Variants in TANC1 observed in about 807,000 individuals in gnomAD.
TANC1 encodes protein TANC1.
In TANC1, 77 loss-of-function variants were observed where a neutral mutation model predicts 149.7. The observed-to-expected ratio is 0.51, with a 90% confidence interval of 0.43 to 0.62. TANC1 has a LOEUF of 0.62. Ranked by LOEUF, TANC1 falls within the 20% of genes least tolerant of loss-of-function variation. The probability of loss-of-function intolerance (pLI) is 0.00; values close to 1 mark genes in which losing one functional copy is unlikely to be tolerated. For synonymous variants in TANC1, 854 were observed against 925.0 expected (o/e 0.92, Z 1.39); for missense variants, 1,985 against 2,321.8 (o/e 0.85, Z 2.98).
chr2:159,031,181 GTCAGGGCCTGCCTGT>G (rs1559150667), intron 2 of TANC1, among the ~76,000 whole-genome samples: 1 of 152,220 alleles, frequency 6.6e-6, no homozygotes, highest in Non-Finnish European at 1.5e-5. Context: ...TGGATACAAG[GTCAGGGCCTGCCTGT>G]TAAGCAGCAA....
chr2:159,083,869 G>A (rs1003769694), intron 3 of TANC1, among the ~76,000 whole-genome samples: 1 of 151,810 alleles, frequency 6.6e-6, no homozygotes, highest in African/African-American at 2.4e-5. Context: ...GGAAAACTGA[G>A]CAGTGAATTT....
At chr2:159,158,804 A>G (rs1398880429) in intron 7 of TANC1, among the ~76,000 whole-genome samples, 2 of 152,236 alleles carry the variant, frequency 1.3e-5, no homozygotes, top group Non-Finnish European at 2.9e-5. Context: ...TATAAAGACA[A>G]AAATGTCCAT....
At chr2:159,108,331 G>A (rs2047391749) in intron 4 of TANC1, among the ~76,000 whole-genome samples, 1 of 152,088 alleles carries the variant, frequency 6.6e-6, no homozygotes, top group South Asian at 2.1e-4. Flanking sequence ...TCACGCTTTG[G>A]CATTTTTTGC....
chr2:159,200,891 C>T (rs759742621), intron 19 of TANC1, among the ~76,000 whole-genome samples: 1 of 152,186 alleles, frequency 6.6e-6, no homozygotes, highest in African/African-American at 2.4e-5. Flanking sequence ...AGTAACTTGG[C>T]CCCTCCCTTC....
chr2:159,105,264 G>T (rs901545488), intron 4 of TANC1, among the ~76,000 whole-genome samples: 5 of 151,960 alleles, frequency 3.3e-5, no homozygotes, highest in Admixed American at 2.0e-4. Context: ...AGAGTGCTGG[G>T]ATTACAGGCA....
intron 2 of TANC1, among the ~76,000 whole-genome samples, chr2:159,005,422 C>G (rs1017823423): frequency 6.6e-6 from 1 of 152,066 alleles, no homozygotes; most frequent in Non-Finnish European, 1.5e-5. Context: ...GAAACCCCAT[C>G]TCTACAAAAA....
chr2:159,038,406 G>A (rs1451541298), intron 2 of TANC1, among the ~76,000 whole-genome samples: 3 of 152,168 alleles, frequency 2.0e-5, no homozygotes, highest in Non-Finnish European at 4.4e-5. Context: ...GGAGTGGTGA[G>A]AGAGGGCATC....
chr2:159,085,108 C>G (rs755853781), intron 3 of TANC1, among the ~76,000 whole-genome samples: 17 of 152,186 alleles, frequency 1.1e-4, no homozygotes, highest in Non-Finnish European at 2.2e-4. Context: ...TCTCCTGCAA[C>G]AAGTCAGAGT....
intron 3 of TANC1, among the ~76,000 whole-genome samples, chr2:159,086,426 G>A (rs1384568345): frequency 6.6e-6 from 1 of 152,038 alleles, no homozygotes; most frequent in East Asian, 1.9e-4. Flanking sequence ...GAGAGATCTG[G>A]GATATGGTCA....
chr2:159,076,232 T>A (rs1474440171), intron 3 of TANC1, among the ~76,000 whole-genome samples: 1 of 152,222 alleles, frequency 6.6e-6, no homozygotes, highest in East Asian at 1.9e-4. Context: ...CTATATGACT[T>A]ATCCAGAAAG....
At chr2:159,027,063 C>A (rs138393071) in intron 2 of TANC1, 3 of 151,662 alleles carry the variant, frequency 2.0e-5, no homozygotes, top group Non-Finnish European at 4.4e-5. Flanking sequence ...CATGAATTTG[C>A]GTGTTATCCT....
intron 7 of TANC1, among the ~76,000 whole-genome samples, chr2:159,160,449 T>C (rs2053931498): frequency 1.3e-5 from 2 of 152,216 alleles, no homozygotes; most frequent in Admixed American, 1.3e-4. Flanking sequence ...TTTGAATTTC[T>C]GTAAGGTTGG....
chr2:159,184,841 C>T (rs2056826477), intron 14 of TANC1, among the ~76,000 whole-genome samples: 1 of 152,156 alleles, frequency 6.6e-6, no homozygotes, highest in South Asian at 2.1e-4. Flanking sequence ...AAACGTCATG[C>T]CCTCCCCTGT....
chr2:159,042,631 G>A (rs189114474), intron 2 of TANC1, among the ~76,000 whole-genome samples: 83 of 152,194 alleles, frequency 5.5e-4, no homozygotes, highest in African/African-American at 1.9e-3. Context: ...CCAACCAGGT[G>A]TTCTGAGCAC....
chr2:159,061,750 ACT>A (rs1483187730), intron 2 of TANC1, among the ~76,000 whole-genome samples: 4 of 152,050 alleles, frequency 2.6e-5, no homozygotes, highest in Non-Finnish European at 5.9e-5. Flanking sequence ...TCTCCCCTAC[ACT>A]CTCTTCCTCA....
Position 159,095,182 on chromosome 2 carries a change from G to A in TANC1, c.62-2455G>A, listed in dbSNP as rs372853628. Among the ~76,000 whole-genome samples the A allele has an allele frequency of 1.2e-4, 18 of 152,068 alleles. No homozygotes were observed. The East Asian group carries it at 1.9e-3, about 16-fold the overall frequency. Reference sequence around the variant, plus strand: ...AGGCTGGTCTCGAACTCCTGACCTCGTGATTCGCTTGCTTCGGCCTCCCAA... The same window carrying A: ...AGGCTGGTCTCGAACTCCTGACCTCATGATTCGCTTGCTTCGGCCTCCCAA... On this transcript the variant is annotated intron_variant, in intron 3 of 26. Transcript: ENST00000263635.
At chr2:159,000,281 G>A (rs2036508905) in intron 1 of TANC1, among the ~76,000 whole-genome samples, 1 of 152,090 alleles carries the variant, frequency 6.6e-6, no homozygotes, top group Non-Finnish European at 1.5e-5. Context: ...GGTGCATGTG[G>A]GTAAGTGGGT....
intron 5 of TANC1, among the ~76,000 whole-genome samples, chr2:159,143,470 A>G (rs2051666224): frequency 7.1e-6 from 1 of 141,254 alleles, no homozygotes; most frequent in Non-Finnish European, 1.5e-5. Flanking sequence ...TGTTTCCAGC[A>G]CTTGGGGAGG....
At position 159,224,413 on chromosome 2, in the gene TANC1, T is replaced by C. The variant is rs777458356; in HGVS notation, c.3811+49T>C. ...AGCAGGAGGAGCGGTGAGCTCCCGA[T>C]TGTAGAAGCCTAGACAGCACAGAGA... On this transcript the variant is annotated intron_variant, in intron 23 of 26. Transcript: ENST00000263635. The C allele has an allele frequency of 2.3e-5, 37 of 1,611,356 alleles. No individual in the cohort carries two copies. The Middle Eastern group carries it at 8.2e-4, about 36-fold the overall frequency.
Sources: gnomAD v4.1 joint callset for allele counts (sites outside exome capture counted in the v4.1 genomes callset) on GRCh38, gnomAD v4.1.1 for gene constraint, MANE v1.5 for transcripts, NCBI Gene and HGNC (gene_info 2026-07-23, HGNC 2026-07-21) for gene names.